Variants in NALF1 observed in about 807,000 individuals in gnomAD.
NALF1 encodes NALCN channel auxiliary factor 1.
A neutral mutation model predicts 48.4 loss-of-function variants in NALF1; 3 were observed. That is an observed-to-expected ratio of 0.06 (90% CI 0.03 to 0.16). NALF1 has a LOEUF of 0.16. NALF1 is among the 10% of genes least tolerant of loss of function. The pLI, the probability that NALF1 is intolerant of heterozygous loss-of-function variation, is 1.00. For missense variants in NALF1, 526 were observed against 571.5 expected, an observed-to-expected ratio of 0.92 and a Z score of 0.81; for synonymous variants, 262 against 245.7, an observed-to-expected ratio of 1.07 and a Z score of -0.62.
At chr13:107,467,101 T>A (rs1176890340) in intron 1 of NALF1, among the ~76,000 whole-genome samples, 1 of 152,118 alleles carries the variant, frequency 6.6e-6, no homozygotes, top group Non-Finnish European at 1.5e-5. Flanking sequence ...TTCTAAGGAG[T>A]TTTTTTCATC....
chr13:107,745,108 T>C (rs746728693), intron 1 of NALF1, among the ~76,000 whole-genome samples: 3 of 152,232 alleles, frequency 2.0e-5, no homozygotes, highest in African/African-American at 7.2e-5. Context: ...GGAAGGTCTG[T>C]AGCACTAATA....
At chr13:107,256,539 C>T (rs1442077881) in intron 1 of NALF1, among the ~76,000 whole-genome samples, 4 of 152,144 alleles carry the variant, frequency 2.6e-5, no homozygotes, top group Non-Finnish European at 5.9e-5. Flanking sequence ...AATCTTCCTC[C>T]AGTATTCAAA....
chr13:107,525,917 T>C (rs1385477789), intron 1 of NALF1, among the ~76,000 whole-genome samples: 5 of 152,156 alleles, frequency 3.3e-5, no homozygotes, highest in Non-Finnish European at 7.4e-5. Flanking sequence ...TTGTGCTTAT[T>C]TACTATCCAT....
intron 1 of NALF1, among the ~76,000 whole-genome samples, chr13:107,492,591 C>T (rs1206521142): frequency 1.3e-5 from 2 of 152,162 alleles, no homozygotes; most frequent in African/African-American, 2.4e-5. Context: ...CCTATCCATA[C>T]TCTGGAACTG....
chr13:107,288,556 G>A (rs1427672184), intron 1 of NALF1, among the ~76,000 whole-genome samples: 2 of 126,452 alleles, frequency 1.6e-5, no homozygotes, highest in African/African-American at 3.0e-5. Flanking sequence ...ATGGTGTCTC[G>A]CTCTTGCTCT....
chr13:107,707,719 C>T (rs116905369), intron 1 of NALF1, among the ~76,000 whole-genome samples: 129 of 152,330 alleles, frequency 8.5e-4, no homozygotes, highest in Non-Finnish European at 1.6e-3. Context: ...TTGCTCATAG[C>T]TATATAGCCT....
chr13:107,633,748 ATATATATGGAAAATATATATATT>A (rs1879896632), intron 1 of NALF1, among the ~76,000 whole-genome samples: 8 of 147,690 alleles, frequency 5.4e-5, no homozygotes, highest in Non-Finnish European at 8.9e-5. Flanking sequence ...TATGAAACAC[ATATATATGGAAAATATATATATT>A]TATATATGGA....
intron 1 of NALF1, among the ~76,000 whole-genome samples, chr13:107,432,419 C>A (rs2139018504): frequency 1.3e-5 from 2 of 152,310 alleles, no homozygotes; most frequent in East Asian, 3.9e-4. Context: ...TGCCTCTCAA[C>A]CTTGGCTATA....
chr13:107,587,594 G>A (rs1004438702), intron 1 of NALF1, among the ~76,000 whole-genome samples: 5 of 152,110 alleles, frequency 3.3e-5, no homozygotes, highest in African/African-American at 1.2e-4. Flanking sequence ...TTATAAGTGA[G>A]TCTGAGAAAG....
At chr13:107,558,057 G>T (rs146873680) in intron 1 of NALF1, among the ~76,000 whole-genome samples, 58 of 151,472 alleles carry the variant, frequency 3.8e-4, no homozygotes, top group African/African-American at 1.4e-3. Flanking sequence ...CCCAAGCTGC[G>T]TCCCTGTTGT....
At chr13:107,510,816 T>A (rs1875864335) in intron 1 of NALF1, among the ~76,000 whole-genome samples, 1 of 152,136 alleles carries the variant, frequency 6.6e-6, no homozygotes, top group Non-Finnish European at 1.5e-5. Flanking sequence ...ACCACAGAAA[T>A]GGTCAAAATT....
At chr13:107,601,340 T>C (rs1219517667) in intron 1 of NALF1, among the ~76,000 whole-genome samples, 2 of 152,154 alleles carry the variant, frequency 1.3e-5, no homozygotes, top group Non-Finnish European at 1.5e-5. Context: ...AACAATCTTG[T>C]AGATTATTTT....
chr13:107,552,366 A>G (rs1471598684), intron 1 of NALF1, among the ~76,000 whole-genome samples: 1 of 152,200 alleles, frequency 6.6e-6, no homozygotes, highest in Admixed American at 6.5e-5. Context: ...AAAATATGAT[A>G]TCGTTATTTA....
chr13:107,197,154 A>G (rs1243399961), intron 2 of NALF1, among the ~76,000 whole-genome samples: 2 of 152,180 alleles, frequency 1.3e-5, no homozygotes, highest in African/African-American at 2.4e-5. Context: ...ACTACAACAC[A>G]GCTGGAAGAC....
intron 1 of NALF1, among the ~76,000 whole-genome samples, chr13:107,349,325 G>A (rs1052239612): frequency 3.9e-5 from 6 of 152,080 alleles, no homozygotes; most frequent in African/African-American, 1.4e-4. Context: ...TCTTATCTCT[G>A]TGGCTCTGAA....
chr13:107,270,033 G>A (rs1029123508), intron 1 of NALF1, among the ~76,000 whole-genome samples: 1 of 148,154 alleles, frequency 6.7e-6, no homozygotes, highest in Non-Finnish European at 1.5e-5. Context: ...CCCTCCCAAA[G>A]TGCTGGGATT....
At chr13:107,629,824 G>A (rs950370626) in intron 1 of NALF1, among the ~76,000 whole-genome samples, 3 of 152,044 alleles carry the variant, frequency 2.0e-5, no homozygotes, top group Non-Finnish European at 2.9e-5. Context: ...ACTATTATAT[G>A]TATGTGTATG....
intron 1 of NALF1, among the ~76,000 whole-genome samples, chr13:107,396,247 C>T (rs1266767342): frequency 6.6e-6 from 1 of 152,168 alleles, no homozygotes; most frequent in Non-Finnish European, 1.5e-5. Flanking sequence ...CAGGCTGTAT[C>T]TCCAAATATA....
At chr13:107,508,710 G>GC (rs1284707698) in intron 1 of NALF1, among the ~76,000 whole-genome samples, 2 of 152,008 alleles carry the variant, frequency 1.3e-5, no homozygotes, top group East Asian at 1.9e-4. Context: ...GACAAGCCTG[G>GC]CTGTGCACGA....
Sources: gnomAD v4.1 joint callset for allele counts (sites outside exome capture counted in the v4.1 genomes callset) on GRCh38, gnomAD v4.1.1 for gene constraint, MANE v1.5 for transcripts, NCBI Gene and HGNC (gene_info 2026-07-23, HGNC 2026-07-21) for gene names.